CTNND2: variants seen among roughly 807,000 people sequenced by gnomAD.
CTNND2 encodes the protein catenin delta 2.
CTNND2 carries 22 observed loss-of-function variants against 144.4 expected under a neutral mutation model. That is an observed-to-expected ratio of 0.15 (90% CI 0.11 to 0.22). CTNND2 has a LOEUF of 0.22. Ranked by LOEUF, CTNND2 falls within the 10% of genes least tolerant of loss-of-function variation. The probability of loss-of-function intolerance (pLI) is 1.00; values close to 1 mark genes in which losing one functional copy is unlikely to be tolerated. For missense variants in CTNND2, 1,353 were observed against 1,618.8 expected (o/e 0.84, Z 2.82); for synonymous variants, 751 against 695.6 (o/e 1.08, Z -1.25).
At chr5:11,164,338 C>T (rs1197377342) in intron 11 of CTNND2, among the ~76,000 whole-genome samples, 3 of 152,118 alleles carry the variant, frequency 2.0e-5, no homozygotes, top group Admixed American at 1.3e-4. Flanking sequence ...CAGTCTACTA[C>T]GTATCCCTTC....
chr5:11,869,686 CACTT>C (rs1158087668), intron 1 of CTNND2, among the ~76,000 whole-genome samples: 2 of 152,162 alleles, frequency 1.3e-5, no homozygotes, highest in Non-Finnish European at 2.9e-5. Context: ...TATATAATGC[CACTT>C]ACTTCTATAC....
chr5:11,057,268 C>A (rs1250891809), intron 16 of CTNND2, among the ~76,000 whole-genome samples: 1 of 152,180 alleles, frequency 6.6e-6, no homozygotes, highest in Non-Finnish European at 1.5e-5. Context: ...TATGGTTTGG[C>A]TGTGTCCCCA....
intron 2 of CTNND2, among the ~76,000 whole-genome samples, chr5:11,651,000 T>C (rs117468554): frequency 0.01 from 1,578 of 152,290 alleles, 11 homozygotes; most frequent in East Asian, 0.049. Flanking sequence ...CTGCAGAAAT[T>C]TGCATAAGTA....
At chr5:11,194,109 A>C (rs929977018) in intron 11 of CTNND2, among the ~76,000 whole-genome samples, 2 of 152,178 alleles carry the variant, frequency 1.3e-5, no homozygotes, top group South Asian at 4.1e-4. Flanking sequence ...TGTAAGATAC[A>C]AAACAGCCAG....
chr5:11,792,857 CA>C (rs1791208823), intron 1 of CTNND2, among the ~76,000 whole-genome samples: 1 of 151,994 alleles, frequency 6.6e-6, no homozygotes, highest in Non-Finnish European at 1.5e-5. Flanking sequence ...CATTCACAGC[CA>C]AAAAACTCTT....
chr5:11,658,514 A>T (rs899534936), intron 2 of CTNND2, among the ~76,000 whole-genome samples: 1 of 152,264 alleles, frequency 6.6e-6, no homozygotes, highest in Non-Finnish European at 1.5e-5. Flanking sequence ...AACAGAATCC[A>T]TTATGGGAAA....
chr5:11,542,310 T>C (rs1452209957), intron 3 of CTNND2, among the ~76,000 whole-genome samples: 1 of 152,210 alleles, frequency 6.6e-6, no homozygotes, highest in Non-Finnish European at 1.5e-5. Flanking sequence ...ACCTATTCAT[T>C]ATTTCAAATG....
At chr5:11,724,376 T>C (rs1786883728) in intron 2 of CTNND2, among the ~76,000 whole-genome samples, 2 of 152,192 alleles carry the variant, frequency 1.3e-5, no homozygotes, top group Non-Finnish European at 2.9e-5. Context: ...CTCTAGATGA[T>C]TCATTTGAAG....
intron 1 of CTNND2, among the ~76,000 whole-genome samples, chr5:11,902,325 A>G (rs913481857): frequency 3.9e-5 from 6 of 152,196 alleles, no homozygotes; most frequent in Non-Finnish European, 7.3e-5. Context: ...ACTCGCCCCT[A>G]TATATCACAC....
intron 2 of CTNND2, among the ~76,000 whole-genome samples, chr5:11,637,860 C>T (rs891140773): frequency 1.3e-5 from 2 of 152,074 alleles, no homozygotes; most frequent in Admixed American, 6.6e-5. Context: ...TAATCTAAGA[C>T]TCACTTTATA....
intron 8 of CTNND2, among the ~76,000 whole-genome samples, chr5:11,347,115 G>A (rs542837077): frequency 6.6e-6 from 1 of 152,324 alleles, no homozygotes; most frequent in Non-Finnish European, 1.5e-5. Flanking sequence ...AAATGAGAGG[G>A]AGTGTATGCA....
In CTNND2 at chr5:11,380,910, T is replaced by A. The variant is rs116777265; in HGVS notation, c.1177+3755A>T. Among the ~76,000 whole-genome samples, 463 of 152,346 alleles carry A rather than the reference T, an allele frequency of 3.0e-3. 2 individuals are homozygous for A. Among genetic ancestry groups the A allele is most frequent in the African/African-American group, 8.9e-3 (372 of 41,570 alleles). On this transcript the variant is annotated intron_variant, in intron 7 of 21. Coordinates refer to ENST00000304623, the MANE Select transcript of CTNND2 (RefSeq NM_001332.4). ...TATATCCCACTTTCTAATGGCTACA[T>A]GCACTTTGATTCTGACAGATATCAC... is the stretch of plus-strand genomic sequence containing the variant.
chr5:11,056,637 C>A (rs1746377413), intron 16 of CTNND2, among the ~76,000 whole-genome samples: 2 of 152,148 alleles, frequency 1.3e-5, no homozygotes, highest in Non-Finnish European at 2.9e-5. Flanking sequence ...ATTTTAAATT[C>A]ATGGGCTCAT....
chr5:11,737,566 A>C (rs1289738828), intron 1 of CTNND2, among the ~76,000 whole-genome samples: 3 of 152,168 alleles, frequency 2.0e-5, no homozygotes, highest in East Asian at 1.9e-4. Context: ...TAATAAAACA[A>C]CACCACTAGC....
At chr5:11,891,425 T>G (rs2127097790) in intron 1 of CTNND2, among the ~76,000 whole-genome samples, 1 of 152,326 alleles carries the variant, frequency 6.6e-6, no homozygotes, top group Non-Finnish European at 1.5e-5. Context: ...GGTTTCATCC[T>G]GTGGTCTCTG....
chr5:11,624,999 C>CA (rs568521423), intron 2 of CTNND2, among the ~76,000 whole-genome samples: 1,543 of 147,652 alleles, frequency 0.01, 13 homozygotes, highest in East Asian at 0.028. Flanking sequence ...CAACAACAAC[C>CA]AAAAAAAAAC....
intron 8 of CTNND2, 108 bp downstream of exon 8, chr5:11,364,588 G>C (rs549059756): frequency 3.7e-6 from 3 of 808,632 alleles, no homozygotes; most frequent in East Asian, 6.2e-5. Context: ...AGTGCTTGTG[G>C]GGATAGTGGA....
chr5:11,818,334 T>C (rs1298032843), intron 1 of CTNND2, among the ~76,000 whole-genome samples: 1 of 151,938 alleles, frequency 6.6e-6, no homozygotes, highest in Non-Finnish European at 1.5e-5. Context: ...GACTGGAGGA[T>C]TTCCTTTGAC....
chr5:11,185,798 T>C (rs1475460320), intron 11 of CTNND2, among the ~76,000 whole-genome samples: 1 of 152,232 alleles, frequency 6.6e-6, no homozygotes, highest in Non-Finnish European at 1.5e-5. Flanking sequence ...GTAGACGTTA[T>C]ATAATTTGGT....
Sources: gnomAD v4.1 joint callset for allele counts (sites outside exome capture counted in the v4.1 genomes callset) on GRCh38, gnomAD v4.1.1 for gene constraint, MANE v1.5 for transcripts, NCBI Gene and HGNC (gene_info 2026-07-23, HGNC 2026-07-21) for gene names.